Variants in GPD2 observed in about 807,000 individuals in gnomAD.
GPD2 encodes glycerol-3-phosphate dehydrogenase 2, also known as glycerol-3-phosphate dehydrogenase, mitochondrial.
In GPD2, 54 loss-of-function variants were observed where a neutral mutation model predicts 82.4. The ratio of observed to expected loss-of-function variants is 0.66; its 90% confidence interval spans 0.53 to 0.82. The LOEUF (loss-of-function observed/expected upper bound fraction) is 0.82. GPD2 is among the 40% of genes least tolerant of loss of function. GPD2 has a pLI of 0.00. For missense variants in GPD2, 748 were observed against 896.2 expected (o/e 0.83, Z 2.11); for synonymous variants, 288 against 306.1 (o/e 0.94, Z 0.62).
Position 156,549,664 on chromosome 2 carries a change from G to A in GPD2, c.718G>A (p.Gly240Arg). 6.2e-7 allele frequency: 1 copy of A among 1,613,340 alleles called. No homozygotes were observed. The highest frequency in any genetic ancestry group is 8.5e-7 in the Non-Finnish European group (1 of 1,179,290). Residue 240 changes from glycine (G) to arginine (R), a missense_variant, in exon 7 of 17, where the codon GGG becomes AGG. Around this residue, in one of 3 missense-constraint regions of GPD2, gnomAD observed 692 missense variants for 809.7 expected, o/e 0.85. Coordinates refer to ENST00000438166, the MANE Select transcript of GPD2 (RefSeq NM_000408.5). ...CATTGCTCTGACTGCTGCCAGGTAT[G>A]GGGCTGCCACAGCCAATTACATGGA... The part of the protein sequence containing the change: ...LAIALTAARY[G>R]AATANYMEVV...
intron 1 of GPD2, among the ~76,000 whole-genome samples, chr2:156,464,045 A>T (rs1021047657): frequency 6.6e-6 from 1 of 152,190 alleles, no homozygotes; most frequent in African/African-American, 2.4e-5. Flanking sequence ...GTAAGATCTT[A>T]TGACCAAGAT....
At chr2:156,472,873 T>C (rs1683380960) in intron 1 of GPD2, among the ~76,000 whole-genome samples, 1 of 152,198 alleles carries the variant, frequency 6.6e-6, no homozygotes, top group African/African-American at 2.4e-5. Flanking sequence ...TTTTCTCACT[T>C]AGTAGGCAGT....
intron 4 of GPD2, 152 bp downstream of exon 4, chr2:156,511,072 A>AG (rs1684981205): frequency 1.3e-6 from 1 of 762,910 alleles, no homozygotes; most frequent in Non-Finnish European, 2.3e-6. Context: ...CTTTCAGGAG[A>AG]GGTGTGTCAG....
the GPD2 span, among the ~76,000 whole-genome samples, chr2:156,423,037 C>G: frequency 6.6e-6 from 1 of 152,108 alleles, no homozygotes; most frequent in Non-Finnish European, 1.5e-5. Context: ...GTACTTTTAT[C>G]TTGTAATTTA....
At position 156,513,514 on chromosome 2, in the gene GPD2, T is replaced by C. The variant is rs766283164; in HGVS notation, c.661+18T>C. On this transcript the variant is annotated intron_variant, in intron 6 of 16. Transcript: ENST00000438166. ...CTATGACGGTATGTGATGTTTTTTT[T>C]TTTTTTCCTCACAAGATACTTTTCT... 738 of 1,605,648 alleles carry C rather than the reference T, an allele frequency of 4.6e-4. 5 individuals are homozygous for C. In the African/African-American group the frequency reaches 8.9e-3, roughly 19 times the overall value.
At chr2:156,457,710 G>C (rs1346625491) in intron 1 of GPD2, among the ~76,000 whole-genome samples, 2 of 152,204 alleles carry the variant, frequency 1.3e-5, no homozygotes, top group Admixed American at 1.3e-4. Flanking sequence ...GTTGTGGCCC[G>C]ATGGAAATTG....
chr2:156,401,208 C>T, the GPD2 span, among the ~76,000 whole-genome samples: 2 of 152,172 alleles, frequency 1.3e-5, no homozygotes, highest in African/African-American at 2.4e-5. Flanking sequence ...TACCACTGAA[C>T]CACCAATGCT....
rs890338786 is a variant in GPD2, at chr2:156,485,594, A to G, written c.102+9387A>G. ...TATTAATTGAAGTAAGCTAATTGGT[A>G]TAATAACCAATCCTCAAAGCTCAGT... On this transcript the variant is annotated intron_variant, in intron 2 of 16. Transcript: ENST00000438166. 5.3e-5 allele frequency among the ~76,000 whole-genome samples: 8 copies of G among 152,232 alleles called. No homozygotes were observed. In the South Asian group the frequency reaches 8.3e-4, roughly 16 times the overall value.
intron 2 of GPD2, among the ~76,000 whole-genome samples, chr2:156,487,511 A>G (rs1348877385): frequency 1.3e-5 from 2 of 152,218 alleles, no homozygotes; most frequent in Admixed American, 1.3e-4. Flanking sequence ...AAGATGACCT[A>G]GCAGAGCTGA....
Position 156,585,211 on chromosome 2 carries a change from C to T in GPD2, c.*2293C>T, listed in dbSNP as rs1462130135. On this transcript the variant is annotated 3_prime_UTR_variant, in exon 17 of 17. Transcript: ENST00000438166. ...AATTAAACCTGTACAGCTTCTTTAC[C>T]TGATTTAAGAAAGGGAGACAAGCAA... The T allele has an allele frequency of 1.3e-5, 2 of 152,224 alleles. No individual in the cohort carries two copies. The highest frequency in any genetic ancestry group is 3.9e-4 in the East Asian group (2 of 5,164). The allele number at this position is 152,224 out of a possible 1,614,324, so 9.4% of individuals were successfully genotyped here. A position where few individuals can be genotyped will look rare whatever the true frequency, so the allele number is the denominator to read the frequency against.
chr2:156,531,191 C>T (rs957513705), intron 6 of GPD2, among the ~76,000 whole-genome samples: 3 of 152,130 alleles, frequency 2.0e-5, no homozygotes, highest in Non-Finnish European at 4.4e-5. Flanking sequence ...CCCATCCCAT[C>T]CCAAATATGC....
chr2:156,550,013 C>A (rs535565111), intron 7 of GPD2, among the ~76,000 whole-genome samples: 1 of 152,250 alleles, frequency 6.6e-6, no homozygotes, highest in South Asian at 2.1e-4. Context: ...AAAATGCCCA[C>A]CAAATTCCCA....
At chr2:156,478,529 A>T (rs1683601095) in intron 2 of GPD2, among the ~76,000 whole-genome samples, 1 of 152,174 alleles carries the variant, frequency 6.6e-6, no homozygotes, top group African/African-American at 2.4e-5. Flanking sequence ...AAAAAATAAA[A>T]GCAAGAATGA....
At chr2:156,508,909 T>G (rs1195399989) in intron 3 of GPD2, among the ~76,000 whole-genome samples, 2 of 152,212 alleles carry the variant, frequency 1.3e-5, no homozygotes, top group Non-Finnish European at 2.9e-5. Flanking sequence ...TTTTCAAACT[T>G]GGCCTCTATT....
intron 8 of GPD2, among the ~76,000 whole-genome samples, chr2:156,553,912 G>A (rs1285973903): frequency 1.3e-5 from 2 of 152,180 alleles, no homozygotes; most frequent in Non-Finnish European, 2.9e-5. Flanking sequence ...TCTGTCTCAG[G>A]CTAAGATGCA....
At position 156,550,669 on chromosome 2, in the gene GPD2, C is replaced by T. The variant is rs1475848307; in HGVS notation, c.894C>T (p.Arg298=). The part of the protein sequence containing the change: ...NATGPFTDSV[R]KMDDKDAAAI... ...CGGGACCTTTCACGGACTCTGTGCG[C>T]AAAATGGATGATAAAGACGCAGCAG... is the stretch of plus-strand genomic sequence containing the variant. Residue 298 remains arginine (R), a synonymous_variant, in exon 8 of 17, where the codon CGC becomes CGT. Coordinates refer to ENST00000438166, the MANE Select transcript of GPD2 (RefSeq NM_000408.5). 6.2e-7 allele frequency: 1 copy of T among 1,613,750 alleles called. No individual in the cohort carries two copies. Among genetic ancestry groups the T allele is most frequent in the Admixed American group, 1.7e-5 (1 of 60,020 alleles).
At chr2:156,417,379 C>A in the GPD2 span, among the ~76,000 whole-genome samples, 19 of 151,984 alleles carry the variant, frequency 1.3e-4, no homozygotes, top group African/African-American at 4.6e-4. Flanking sequence ...TTAGGTAAAC[C>A]CTGAGACTTT....
chr2:156,526,061 GAGTAGATACTGCTTTCCATA>G, intron 6 of GPD2, among the ~76,000 whole-genome samples: 1 of 152,048 alleles, frequency 6.6e-6, no homozygotes, highest in African/African-American at 2.4e-5. Flanking sequence ...TCACCTAATA[GAGTAGATACTGCTTTCCATA>G]AGTATAAGAG....
chr2:156,488,769 C>T lies in GPD2; in HGVS notation c.103-7275C>T, dbSNP rs534365514. 2.0e-5 allele frequency among the ~76,000 whole-genome samples: 3 copies of T among 152,048 alleles called. No individual in the cohort carries two copies. The South Asian group carries it at 6.2e-4, about 32-fold the overall frequency. Reference sequence around the variant, plus strand: ...GTTCTTTGTAGGTGTTCATGTGAGTCTCTTGACAAAACCTGTATGTTTGCT... The same window carrying T: ...GTTCTTTGTAGGTGTTCATGTGAGTTTCTTGACAAAACCTGTATGTTTGCT... On this transcript the variant is annotated intron_variant, in intron 2 of 16. Coordinates refer to ENST00000438166, the MANE Select transcript of GPD2 (RefSeq NM_000408.5).
Sources: gnomAD v4.1 joint callset for allele counts (sites outside exome capture counted in the v4.1 genomes callset) on GRCh38, gnomAD v4.1.1 for gene constraint, gnomAD v4.1.1 regional missense constraint, MANE v1.5 for transcripts, NCBI Gene and HGNC (gene_info 2026-07-23, HGNC 2026-07-21) for gene names.